GRM5: variants seen among roughly 807,000 people sequenced by gnomAD.
The protein encoded by GRM5 is metabotropic glutamate receptor 5.
In GRM5, 19 loss-of-function variants were observed where a neutral mutation model predicts 83.1. That is an observed-to-expected ratio of 0.23 (90% CI 0.16 to 0.34). The LOEUF (loss-of-function observed/expected upper bound fraction) is 0.34, where lower values mean the gene tolerates loss of function less well. Among genes scored for constraint, GRM5 ranks in the 10% least tolerant of loss-of-function variants. GRM5 has a pLI of 1.00. For missense variants in GRM5, 1,160 were observed against 1,588.3 expected, an observed-to-expected ratio of 0.73 and a Z score of 4.58; for synonymous variants, 675 against 633.6, an observed-to-expected ratio of 1.07 and a Z score of -0.98.
chr11:88,837,927 A>C (rs2135527056), intron 3 of GRM5, among the ~76,000 whole-genome samples: 1 of 151,916 alleles, frequency 6.6e-6, no homozygotes, highest in East Asian at 1.9e-4. Context: ...TACTAAAAAT[A>C]CAAAAAAATT....
At chr11:88,751,947 T>G (rs1259951080) in intron 3 of GRM5, among the ~76,000 whole-genome samples, 5 of 152,164 alleles carry the variant, frequency 3.3e-5, no homozygotes, top group Non-Finnish European at 7.4e-5. Flanking sequence ...TGAAGGAACA[T>G]ACCTCAAAAT....
At chr11:88,891,718 T>C (rs644251) in intron 2 of GRM5, among the ~76,000 whole-genome samples, 49,901 of 151,758 alleles carry the variant, frequency 0.33, 8,472 homozygotes, top group Non-Finnish European at 0.37. Context: ...TACAGACAAT[T>C]GTTATCTTGC....
At chr11:88,680,694 G>A (rs1394200323) in intron 3 of GRM5, among the ~76,000 whole-genome samples, 1 of 152,100 alleles carries the variant, frequency 6.6e-6, no homozygotes, top group Non-Finnish European at 1.5e-5. Context: ...TGTTATTGTG[G>A]CACTATTCAC....
chr11:88,816,885 T>C (rs1338819211), intron 3 of GRM5, among the ~76,000 whole-genome samples: 1 of 151,966 alleles, frequency 6.6e-6, no homozygotes, highest in African/African-American at 2.4e-5. Flanking sequence ...ATTTTGACAA[T>C]TTAAATAAAA....
intron 2 of GRM5, among the ~76,000 whole-genome samples, chr11:88,948,760 A>G (rs556786093): frequency 6.6e-6 from 1 of 152,368 alleles, no homozygotes; most frequent in African/African-American, 2.4e-5. Context: ...ATGTGCAAAT[A>G]TTAGTTTCCA....
rs769201513 is a variant in GRM5 at position 89,047,244 on chromosome 11, T to C, written c.629A>G (p.Asn210Ser). ...RAMVDIVKRY[N>S]WTYVSAVHTE... The stretch of plus-strand genomic sequence containing the variant: ...GTGCACGGCTGATACATAGGTCCAG[T>C]TGTACCTCTTCACTATGTCCACCAT... Residue 210 changes from asparagine (N) to serine (S), a missense_variant, in exon 2 of 10, where the codon AAC becomes AGC. Transcript: ENST00000305447. The surrounding 1 kb of genome is among the most constrained non-coding windows in gnomAD (Gnocchi z 5.1). The C allele has an allele frequency of 2.5e-6, 4 of 1,613,684 alleles. No homozygotes were observed. The highest frequency in any genetic ancestry group is 1.1e-5 in the South Asian group (1 of 91,064).
At chr11:88,936,775 C>T (rs1340216853) in intron 2 of GRM5, among the ~76,000 whole-genome samples, 1 of 151,716 alleles carries the variant, frequency 6.6e-6, no homozygotes, top group African/African-American at 2.4e-5. Flanking sequence ...GATATAAGGG[C>T]ATTGAAAAAG....
In GRM5 at chr11:88,891,557, A is replaced by T. The variant is rs570956044; in HGVS notation, c.662-41402T>A. Among the ~76,000 whole-genome samples, 11 of 133,594 alleles carry T rather than the reference A, an allele frequency of 8.2e-5. No individual in the cohort carries two copies. In the South Asian group the frequency reaches 2.7e-3, roughly 32 times the overall value. The allele number at this position is 133,594 out of a possible 152,430, so 87.6% of individuals were successfully genotyped here. A position where few individuals can be genotyped will look rare whatever the true frequency, so the allele number is the denominator to read the frequency against. ...TCCAGTCTTAACTTATATTTTTGTG[A>T]ATAATACCAATATATGTTCCAAAAT... On this transcript the variant is annotated intron_variant, in intron 2 of 9. Transcript: ENST00000305447.
chr11:88,961,066 T>C (rs374054188), intron 2 of GRM5, among the ~76,000 whole-genome samples: 6 of 152,152 alleles, frequency 3.9e-5, no homozygotes, highest in Non-Finnish European at 5.9e-5. Flanking sequence ...AACTGCTAGA[T>C]TATATCACTG....
intron 2 of GRM5, among the ~76,000 whole-genome samples, chr11:88,969,708 C>T (rs1248766843): frequency 1.3e-5 from 2 of 151,828 alleles, no homozygotes; most frequent in African/African-American, 2.4e-5. Context: ...AGACATGAGA[C>T]CATCATTAAC....
intron 2 of GRM5, among the ~76,000 whole-genome samples, chr11:88,941,590 G>A (rs1169457070): frequency 7.9e-6 from 1 of 125,866 alleles, no homozygotes; most frequent in African/African-American, 3.0e-5. Flanking sequence ...GGAAGGGGAG[G>A]GGAGGGGAGG....
At chr11:88,891,173 G>T (rs316110) in intron 2 of GRM5, among the ~76,000 whole-genome samples, 146,423 of 152,106 alleles carry the variant, frequency 0.96, 70,522 homozygotes, top group East Asian at 0.99. Flanking sequence ...AGATGGAATT[G>T]TCTTTAGGGT....
chr11:88,974,579 A>G (rs1228964363), intron 2 of GRM5, among the ~76,000 whole-genome samples: 1 of 152,164 alleles, frequency 6.6e-6, no homozygotes, highest in Non-Finnish European at 1.5e-5. Context: ...TGTCAGCTTT[A>G]TTAGAGCATA....
Position 88,508,824 on chromosome 11 carries a change from G to A in GRM5, c.3407C>T (p.Ala1136Val). The stretch of plus-strand genomic sequence containing the variant: ...GGGGCTCTCCCGGGCCGCGTCCCCA[G>A]CCGCCTGCGCCCCTGCCGCGGGCTG... Reference protein sequence around the residue: ...GAQPAAGAQAAGDAARESPAA... With the variant: ...GAQPAAGAQAVGDAARESPAA... The change falls in exon 10 of 10, where the codon GCT becomes GTT. Residue 1136 changes from alanine (A) to valine (V), a missense_variant. Around this residue, in one of 9 missense-constraint regions of GRM5, gnomAD observed 562 missense variants for 532.4 expected, o/e 1.06. Transcript: ENST00000305447. The surrounding 1 kb of genome is among the most constrained non-coding windows in gnomAD (Gnocchi z 4.2). 6.5e-7 allele frequency: 1 copy of A among 1,532,726 alleles called. No individual in the cohort carries two copies. The highest frequency in any genetic ancestry group is 8.8e-7 in the Non-Finnish European group (1 of 1,140,104). 94.9% of individuals were successfully genotyped at this position (1,532,726 alleles called of 1,614,324 possible). A position where few individuals can be genotyped will look rare whatever the true frequency, so the allele number is the denominator to read the frequency against.
Position 88,607,614 on chromosome 11 carries a change from C to T in GRM5, c.1148-2650G>A, listed in dbSNP as rs75040019. On this transcript the variant is annotated intron_variant, in intron 4 of 9. Transcript: ENST00000305447. ...GTAAAAGCCAAAGTCCTTGCAATGG[C>T]CTTCAAAGACATACAGGAGCGTGCC... Among the ~76,000 whole-genome samples, 1,434 of 152,328 alleles carry T rather than the reference C, an allele frequency of 9.4e-3. 14 individuals carry two copies. The highest frequency in any genetic ancestry group is 0.016 in the Non-Finnish European group (1,072 of 68,030).
At chr11:89,062,160 G>A (rs1328171607) in intron 1 of GRM5, among the ~76,000 whole-genome samples, 1 of 152,120 alleles carries the variant, frequency 6.6e-6, no homozygotes, top group Non-Finnish European at 1.5e-5. Context: ...ATGCATAAAG[G>A]ACAGAAATAG....
chr11:88,960,436 T>C (rs1004083143), intron 2 of GRM5, among the ~76,000 whole-genome samples: 2 of 152,158 alleles, frequency 1.3e-5, no homozygotes, highest in Non-Finnish European at 2.9e-5. Context: ...ATTCTTCAGA[T>C]TGACTTTCTA....
At chr11:88,559,048 ATAT>A (rs1565338352) in intron 8 of GRM5, among the ~76,000 whole-genome samples, 1 of 152,096 alleles carries the variant, frequency 6.6e-6, no homozygotes, top group African/African-American at 2.4e-5. Flanking sequence ...TCCTGTAAAA[ATAT>A]TATACATAAT....
Position 89,047,719 on chromosome 11 carries a change from C to A in GRM5, c.154G>T (p.Val52Phe). 1 of 1,614,126 alleles carries A rather than the reference C, an allele frequency of 6.2e-7. No homozygotes were observed. The highest frequency in any genetic ancestry group is 8.5e-7 in the Non-Finnish European group (1 of 1,180,030). The change falls in exon 2 of 10, where the codon GTT (valine) becomes TTT (phenylalanine). Residue 52 changes from valine (V) to phenylalanine (F), a missense_variant. Val to Phe is a conservative substitution (Grantham distance 50). Around this residue, in one of 9 missense-constraint regions of GRM5, gnomAD observed 71 missense variants for 145.8 expected, o/e 0.49. Transcript: ENST00000305447. The surrounding 1 kb of genome is among the most constrained non-coding windows in gnomAD (Gnocchi z 5.1). The part of the protein sequence containing the change: ...SVHHQPTVDK[V>F]HERKCGAVRE... The stretch of plus-strand genomic sequence containing the variant: ...ACCGCCCCACACTTCCTCTCATGAA[C>A]TTTGTCCACAGTAGGCTGGTGATGA...
Sources: gnomAD v4.1 joint callset for allele counts (sites outside exome capture counted in the v4.1 genomes callset) on GRCh38, gnomAD v4.1.1 for gene constraint, gnomAD v4.1.1 regional missense constraint, Gnocchi (gnomAD v3.1) non-coding constraint, MANE v1.5 for transcripts, NCBI Gene and HGNC (gene_info 2026-07-23, HGNC 2026-07-21) for gene names.